The following CWH43 variants were observed in gnomAD, a reference collection of about 807,000 sequenced individuals.
CWH43 encodes PGAP2-interacting protein.
In CWH43, 91 loss-of-function variants were observed where a neutral mutation model predicts 85.7. The ratio of observed to expected loss-of-function variants is 1.06; its 90% CI spans 0.90 to 1.26. The LOEUF is 1.26. Ranked by LOEUF, CWH43 falls within the 50% of genes most tolerant of loss-of-function variation. CWH43 has a pLI of 0.00. For synonymous variants in CWH43, 323 were observed against 293.6 expected, an observed-to-expected ratio of 1.10 and a Z score of -1.02; for missense variants, 869 against 839.2, an observed-to-expected ratio of 1.04 and a Z score of -0.44.
chr4:49,024,178 G>C (rs751243021), intron 9 of CWH43, among the ~76,000 whole-genome samples: 3 of 152,030 alleles, frequency 2.0e-5, no homozygotes, highest in Non-Finnish European at 4.4e-5. Context: ...GCTCACTTTT[G>C]GTGTCCATTT....
chr4:49,017,407 T>C (rs1783587989), intron 9 of CWH43, 79 bp downstream of exon 9: 3 of 1,058,786 alleles, frequency 2.8e-6, no homozygotes, highest in Admixed American at 4.2e-5. Context: ...ACCATTCTGA[T>C]TGAACCTGGA....
chr4:49,007,918 G>T (rs1329872346), intron 8 of CWH43, among the ~76,000 whole-genome samples: 2 of 152,190 alleles, frequency 1.3e-5, no homozygotes, highest in Non-Finnish European at 2.9e-5. Flanking sequence ...TGTGAATAGT[G>T]CTGTAATAAA....
chr4:49,043,019 G>C (rs1336415344), intron 13 of CWH43, among the ~76,000 whole-genome samples: 1 of 152,134 alleles, frequency 6.6e-6, no homozygotes, highest in African/African-American at 2.4e-5. Flanking sequence ...TCTGGGCCCT[G>C]GTGCTGGACC....
In CWH43 at chr4:49,050,817, A is replaced by AGAAGTTTCT; in HGVS notation, c.1992_2000dup (p.Val665_Glu667dup). Reference sequence around the variant, plus strand: ...ACCAGAAAGTGGTCATAGACCACAGAGAAGTTTCTGAGAAAATTCATTTTA... The same window carrying AGAAGTTTCT: ...ACCAGAAAGTGGTCATAGACCACAGAGAAGTTTCTGAAGTTTCTGAGAAAATTCATTTTA... On this transcript the variant is annotated inframe_insertion, in exon 15 of 16. Coordinates refer to ENST00000226432, the MANE Select transcript of CWH43 (RefSeq NM_025087.3). 6.2e-7 allele frequency: 1 copy of AGAAGTTTCT among 1,612,670 alleles called. No individual in the cohort carries two copies. Among genetic ancestry groups the AGAAGTTTCT allele is most frequent in the Non-Finnish European group, 8.5e-7 (1 of 1,179,302 alleles).
Position 49,003,959 on chromosome 4 carries a change from G to T in CWH43, c.1027G>T (p.Val343Phe). 1 of 1,612,982 alleles carries T rather than the reference G, an allele frequency of 6.2e-7. No individual in the cohort carries two copies. ...CTAFKFVPGG[V>F]YARERSDVLL... The stretch of plus-strand genomic sequence containing the variant: ...AGCTTTTAAGTTTGTCCCAGGAGGT[G>T]TCTACGCTAGAGAAAGATCAGATGT... The change falls in exon 7 of 16, where the codon GTC (valine) becomes TTC (phenylalanine). Residue 343 changes from valine (V) to phenylalanine (F), a missense_variant. By Grantham distance (50) the Val-to-Phe change is conservative. This residue lies in a region of CWH43 where 577 missense variants were observed against 513.1 expected (regional missense o/e 1.12). Coordinates refer to ENST00000226432, the MANE Select transcript of CWH43 (RefSeq NM_025087.3).
intron 15 of CWH43, among the ~76,000 whole-genome samples, chr4:49,056,558 T>A (rs996670352): frequency 6.6e-6 from 1 of 152,250 alleles, no homozygotes; most frequent in South Asian, 2.1e-4. Context: ...ATTTTCTCTT[T>A]TTTTCTTAGT....
chr4:48,993,043 A>T (rs1782703387), intron 4 of CWH43, among the ~76,000 whole-genome samples: 1 of 152,170 alleles, frequency 6.6e-6, no homozygotes, highest in Admixed American at 6.5e-5. Context: ...TCTGAACTTC[A>T]GGGTACTGTT....
chr4:49,000,163 C>CG (rs1782944299), intron 6 of CWH43, among the ~76,000 whole-genome samples: 1 of 152,074 alleles, frequency 6.6e-6, no homozygotes, highest in Non-Finnish European at 1.5e-5. Flanking sequence ...CAGAGTGGTA[C>CG]TCTAGGTGCT....
chr4:49,021,312 T>C (rs1171423608), intron 9 of CWH43, among the ~76,000 whole-genome samples: 1 of 152,172 alleles, frequency 6.6e-6, no homozygotes, highest in Non-Finnish European at 1.5e-5. Flanking sequence ...GAATAGAATG[T>C]CCTTTTCCAC....
intron 14 of CWH43, among the ~76,000 whole-genome samples, chr4:49,045,694 G>T (rs894344054): frequency 6.6e-6 from 1 of 151,958 alleles, no homozygotes; most frequent in African/African-American, 2.4e-5. Context: ...TGACAAAATC[G>T]CCTTATGACA....
chr4:48,991,638 G>T, intron 3 of CWH43, 64 bp downstream of exon 3: 1 of 1,567,610 alleles, frequency 6.4e-7, no homozygotes, highest in South Asian at 1.2e-5. Flanking sequence ...AGGGAAACCT[G>T]GGGCCAGGAG....
At chr4:49,018,214 C>CATTTATTT (rs71191281) in intron 9 of CWH43, among the ~76,000 whole-genome samples, 6 of 151,924 alleles carry the variant, frequency 3.9e-5, no homozygotes, top group Non-Finnish European at 7.4e-5. Flanking sequence ...GGTGTTTTAT[C>CATTTATTT]ATTTATTTAT....
Position 48,995,108 on chromosome 4 carries a change from T to C in CWH43, c.713+288T>C, listed in dbSNP as rs1782771218. ...CAGCATAGGCATCTCGAGGAATGCCTGCACAGAAGAGCATTCTCAGTGGTG... is the reference window on the plus strand; with the variant it reads ...CAGCATAGGCATCTCGAGGAATGCCCGCACAGAAGAGCATTCTCAGTGGTG... On this transcript the variant is annotated intron_variant, in intron 5 of 15. Transcript: ENST00000226432. Among the ~76,000 whole-genome samples the C allele has an allele frequency of 2.6e-5, 4 of 152,214 alleles. No individual in the cohort carries two copies. In the South Asian group the frequency reaches 8.3e-4, roughly 32 times the overall value.
At chr4:48,990,108 ACTTAAGTCCATT>A (rs1782611902) in intron 2 of CWH43, among the ~76,000 whole-genome samples, 1 of 152,126 alleles carries the variant, frequency 6.6e-6, no homozygotes, top group Admixed American at 6.5e-5. Context: ...AGTTTCCATT[ACTTAAGTCCATT>A]TTTGGCCCAG....
chr4:48,988,854 T>G (rs1782570108), intron 2 of CWH43, among the ~76,000 whole-genome samples, 186 bp downstream of exon 2: 1 of 152,358 alleles, frequency 6.6e-6, no homozygotes, highest in African/African-American at 2.4e-5. Flanking sequence ...GTGTTTTACA[T>G]TTCCATTGTT....
At position 49,017,321 on chromosome 4, in the gene CWH43, G is replaced by A. The variant is rs778789556; in HGVS notation, c.1259G>A (p.Gly420Asp). 11 of 1,605,918 alleles carry A rather than the reference G, an allele frequency of 6.8e-6. No individual in the cohort carries two copies. The African/African-American group carries it at 1.3e-4, about 20-fold the overall frequency. ...CATAAAGCCTATGAGAGAAAACTGG[G>A]CAAAGTGGTAAGTAATTAAAAACCT... Reference protein sequence around the residue: ...LRHKAYERKLGKVAPTKEVSA... With the variant: ...LRHKAYERKLDKVAPTKEVSA... Residue 420 changes from glycine (G) to aspartate (D), a missense_variant, in exon 9 of 16, where the codon GGC (glycine) becomes GAC (aspartate). Around this residue, in one of 3 missense-constraint regions of CWH43, gnomAD observed 577 missense variants for 513.1 expected, o/e 1.12. Coordinates refer to ENST00000226432, the MANE Select transcript of CWH43 (RefSeq NM_025087.3).
intron 14 of CWH43, among the ~76,000 whole-genome samples, chr4:49,045,945 T>G (rs1358917288): frequency 1.3e-5 from 2 of 152,124 alleles, no homozygotes; most frequent in African/African-American, 4.8e-5. Flanking sequence ...GAATAGAATA[T>G]AAGAACTTAT....
At chr4:49,016,776 A>C in intron 8 of CWH43, 3 of 776,438 alleles carry the variant, frequency 3.9e-6, no homozygotes, top group Non-Finnish European at 7.2e-6. Context: ...CTTCTTCCCA[A>C]TGCAGGTGAT....
intron 8 of CWH43, among the ~76,000 whole-genome samples, chr4:49,010,235 G>A (rs1250864785): frequency 3.9e-5 from 6 of 151,962 alleles, no homozygotes; most frequent in Admixed American, 3.9e-4. Context: ...ATTTATCAAT[G>A]TCTTCTAGAT....
Sources: allele counts gnomAD v4.1 joint callset (sites outside exome capture counted in the v4.1 genomes callset), GRCh38; gene constraint gnomAD v4.1.1; regional missense constraint gnomAD v4.1.1; transcripts MANE v1.5; gene names NCBI Gene and HGNC (gene_info 2026-07-23, HGNC 2026-07-21).